The following GABRB2 variants were observed in gnomAD, a reference collection of about 807,000 sequenced individuals.
GABRB2 encodes the protein gamma-aminobutyric acid type A receptor subunit beta2, also known as gamma-aminobutyric acid receptor subunit beta-2.
GABRB2 carries 16 observed loss-of-function variants against 54.7 expected under a neutral mutation model. That is an observed-to-expected ratio of 0.29 (90% CI 0.20 to 0.44). The LOEUF is 0.44. GABRB2 is among the 20% of genes least tolerant of loss of function. The pLI, the probability that GABRB2 is intolerant of heterozygous loss-of-function variation, is 1.00. For synonymous variants in GABRB2, 244 were observed against 233.8 expected, an observed-to-expected ratio of 1.04 and a Z score of -0.40; for missense variants, 355 against 644.0, an observed-to-expected ratio of 0.55 and a Z score of 4.86.
intron 4 of GABRB2, among the ~76,000 whole-genome samples, chr5:161,434,928 C>T (rs529641572): frequency 2.0e-5 from 3 of 152,226 alleles, no homozygotes; most frequent in Non-Finnish European, 4.4e-5. Flanking sequence ...CTCCATATTG[C>T]GACTCTGGTT....
intron 5 of GABRB2, among the ~76,000 whole-genome samples, chr5:161,392,886 C>T (rs1315939996): frequency 1.3e-5 from 2 of 152,148 alleles, no homozygotes; most frequent in South Asian, 2.1e-4. Flanking sequence ...AATGGGTTGA[C>T]ATTTATGTGA....
chr5:161,491,158 A>G (rs1218864785), intron 3 of GABRB2, among the ~76,000 whole-genome samples: 1 of 151,744 alleles, frequency 6.6e-6, no homozygotes, highest in Non-Finnish European at 1.5e-5. Context: ...CAAAAAGGTC[A>G]GAAAAATAGT....
chr5:161,527,625 A>C (rs1760323706), intron 3 of GABRB2, among the ~76,000 whole-genome samples: 1 of 151,606 alleles, frequency 6.6e-6, no homozygotes, highest in Non-Finnish European at 1.5e-5. Context: ...CAAATCAATA[A>C]GAAAAAAATG....
rs533931868 is a variant in GABRB2 at position 161,530,758 on chromosome 5, G to T, written c.237+14469C>A. Among the ~76,000 whole-genome samples, 4 of 152,092 alleles carry T rather than the reference G, an allele frequency of 2.6e-5. No individual in the cohort carries two copies. In the South Asian group the frequency reaches 8.3e-4, roughly 32 times the overall value. On this transcript the variant is annotated intron_variant, in intron 3 of 9. Coordinates refer to ENST00000393959, the MANE Select transcript of GABRB2 (RefSeq NM_001371727.1). ...TATTATGACTTTTAAAATAACAAAG[G>T]TGCCATTTTTCAGTGAATTCTGTTT...
intron 5 of GABRB2, among the ~76,000 whole-genome samples, chr5:161,374,170 C>G (rs1052015779): frequency 6.6e-6 from 1 of 152,120 alleles, no homozygotes; most frequent in Admixed American, 6.6e-5. Flanking sequence ...TCTCGAACTC[C>G]TGATCTCAGA....
chr5:161,545,115 C>A (rs1490526659), intron 3 of GABRB2, 112 bp downstream of exon 3: 7 of 649,580 alleles, frequency 1.1e-5, no homozygotes, highest in Non-Finnish European at 1.6e-5. Flanking sequence ...GCTCTCACCC[C>A]CACCTCATAC....
At chr5:161,304,666 A>C (rs1757629313) in intron 9 of GABRB2, among the ~76,000 whole-genome samples, 1 of 146,800 alleles carries the variant, frequency 6.8e-6, no homozygotes, top group African/African-American at 2.6e-5. Flanking sequence ...ATGGTAAATA[A>C]ACTATAGATC....
intron 9 of GABRB2, among the ~76,000 whole-genome samples, chr5:161,298,290 C>G (rs919357574): frequency 2.0e-5 from 3 of 152,152 alleles, no homozygotes; most frequent in African/African-American, 4.8e-5. Flanking sequence ...AATTAGATCC[C>G]ATTTGTCAAT....
chr5:161,508,214 G>T (rs1185333350), intron 3 of GABRB2, among the ~76,000 whole-genome samples: 2 of 151,058 alleles, frequency 1.3e-5, no homozygotes, highest in African/African-American at 2.4e-5. Flanking sequence ...AGCTACATGT[G>T]CTGTGAATTA....
At chr5:161,309,337 T>C (rs1757790933) in intron 9 of GABRB2, among the ~76,000 whole-genome samples, 1 of 152,154 alleles carries the variant, frequency 6.6e-6, no homozygotes, top group Non-Finnish European at 1.5e-5. Context: ...GAATGGTTAT[T>C]ATTAAAAAGT....
At chr5:161,533,790 G>T (rs965166324) in intron 3 of GABRB2, among the ~76,000 whole-genome samples, 5 of 152,036 alleles carry the variant, frequency 3.3e-5, no homozygotes, top group African/African-American at 1.2e-4. Context: ...TTACATCAGT[G>T]GTAGTAGTGG....
chr5:161,475,656 A>G (rs1235087791), intron 3 of GABRB2, among the ~76,000 whole-genome samples: 1 of 151,998 alleles, frequency 6.6e-6, no homozygotes, highest in Non-Finnish European at 1.5e-5. Context: ...ATGGTTCAAC[A>G]TATGAAAATT....
intron 5 of GABRB2, among the ~76,000 whole-genome samples, chr5:161,365,815 C>G (rs1403380314): frequency 6.6e-6 from 1 of 152,038 alleles, no homozygotes; most frequent in Non-Finnish European, 1.5e-5. Context: ...TGCACAGGAG[C>G]CTCTTAGACA....
intron 4 of GABRB2, among the ~76,000 whole-genome samples, chr5:161,450,335 G>GA (rs1050055970): frequency 2.6e-5 from 4 of 151,666 alleles, no homozygotes; most frequent in African/African-American, 7.2e-5. Flanking sequence ...AAATATTTTA[G>GA]AAAAAAAAGA....
intron 7 of GABRB2, among the ~76,000 whole-genome samples, chr5:161,333,943 A>G (rs1234345655): frequency 9.9e-5 from 15 of 152,194 alleles, no homozygotes; most frequent in Non-Finnish European, 1.3e-4. Flanking sequence ...TTTATTGTAT[A>G]TCTTTTACTG....
At chr5:161,408,507 A>C (rs144029684) in intron 5 of GABRB2, among the ~76,000 whole-genome samples, 1 of 152,186 alleles carries the variant, frequency 6.6e-6, no homozygotes, top group African/African-American at 2.4e-5. Flanking sequence ...TCCTGAGTGA[A>C]TGAATGAATG....
chr5:161,455,406 T>C (rs557854254), intron 4 of GABRB2, among the ~76,000 whole-genome samples: 2 of 152,306 alleles, frequency 1.3e-5, no homozygotes, highest in South Asian at 2.1e-4. Flanking sequence ...TAGAAGATTC[T>C]GTACACACGA....
chr5:161,342,416 T>A (rs1411393894), intron 5 of GABRB2, among the ~76,000 whole-genome samples: 1 of 152,078 alleles, frequency 6.6e-6, no homozygotes, highest in African/African-American at 2.4e-5. Context: ...TGAGAAACAC[T>A]AATCTGTAAT....
intron 3 of GABRB2, 39 bp from the exon 4 acceptor site, chr5:161,459,883 C>T: frequency 8.3e-7 from 1 of 1,202,392 alleles, no homozygotes; most frequent in Non-Finnish European, 1.2e-6. Context: ...TAGTTTACAC[C>T]CAGACAGATC....
Sources: gnomAD v4.1 joint callset for allele counts (sites outside exome capture counted in the v4.1 genomes callset) on GRCh38, gnomAD v4.1.1 for gene constraint, MANE v1.5 for transcripts, NCBI Gene and HGNC (gene_info 2026-07-23, HGNC 2026-07-21) for gene names.